The following TRARG1 variants were observed in gnomAD, a reference collection of about 807,000 sequenced individuals.
The protein encoded by TRARG1 is trafficking regulator of GLUT4 (SLC2A4) 1 (gene/pseudogene).
Under a neutral mutation model 13.3 loss-of-function variants are expected in TRARG1, and 16 were observed. The ratio of observed to expected loss-of-function variants is 1.20; its 90% CI spans 0.81 to 1.83. TRARG1 has a LOEUF of 1.83. Ranked by LOEUF, TRARG1 falls within the 40% of genes most tolerant of loss-of-function variation. The pLI is 0.00. For synonymous variants in TRARG1, 113 were observed against 106.2 expected, an observed-to-expected ratio of 1.06 and a Z score of -0.39; for missense variants, 250 against 237.4, an observed-to-expected ratio of 1.05 and a Z score of -0.35.
chr17:1,290,237 A>G (rs2072060340), intron 1 of TRARG1, among the ~76,000 whole-genome samples: 1 of 152,066 alleles, frequency 6.6e-6, no homozygotes, highest in South Asian at 2.1e-4. Context: ...AATATCCTTC[A>G]CTGGCTCCCT....
At chr17:1,293,403 A>T (rs12949020) in intron 1 of TRARG1, among the ~76,000 whole-genome samples, 67,177 of 151,410 alleles carry the variant, frequency 0.44, 15,203 homozygotes, top group African/African-American at 0.52. Context: ...GAGGAGAGGT[A>T]CAAGGCGTGG....
intron 1 of TRARG1, among the ~76,000 whole-genome samples, chr17:1,293,496 T>C (rs2072088054): frequency 6.7e-6 from 1 of 149,734 alleles, no homozygotes. Context: ...TTTGATGATG[T>C]CGTGGGTTGT....
intron 1 of TRARG1, among the ~76,000 whole-genome samples, chr17:1,282,156 G>A (rs554269849): frequency 4.3e-5 from 6 of 138,040 alleles, no homozygotes; most frequent in Middle Eastern, 3.4e-3. Flanking sequence ...ACGTATACAC[G>A]TGCATATATG....
intron 1 of TRARG1, among the ~76,000 whole-genome samples, chr17:1,282,204 G>A (rs367775679): frequency 3.6e-4 from 47 of 130,794 alleles, no homozygotes; most frequent in Middle Eastern, 3.9e-3. Context: ...GTACACGTGC[G>A]TATATGTACG....
At chr17:1,289,501 C>A (rs898488124) in intron 1 of TRARG1, among the ~76,000 whole-genome samples, 6 of 147,782 alleles carry the variant, frequency 4.1e-5, no homozygotes, top group Non-Finnish European at 7.5e-5. Context: ...ACCAGCATTG[C>A]CGATAGTTCC....
chr17:1,291,959 G>A (rs1007193350), intron 1 of TRARG1, among the ~76,000 whole-genome samples: 1 of 152,142 alleles, frequency 6.6e-6, no homozygotes, highest in Non-Finnish European at 1.5e-5. Context: ...ATCACCTGAG[G>A]TCGGGAGTTC....
chr17:1,291,840 G>A (rs1456307262), intron 1 of TRARG1, among the ~76,000 whole-genome samples: 1 of 152,198 alleles, frequency 6.6e-6, no homozygotes, highest in African/African-American at 2.4e-5. Flanking sequence ...AAAGCCCTGT[G>A]GAGGTTGATA....
intron 1 of TRARG1, among the ~76,000 whole-genome samples, chr17:1,291,024 A>G (rs2072065315): frequency 1.3e-5 from 2 of 150,176 alleles, no homozygotes; most frequent in Non-Finnish European, 3.0e-5. Context: ...TCCTGCCTCA[A>G]CCTCCCAAGT....
intron 1 of TRARG1, among the ~76,000 whole-genome samples, chr17:1,293,055 A>C (rs533575535): frequency 2.6e-5 from 4 of 152,230 alleles, no homozygotes; most frequent in African/African-American, 9.6e-5. Context: ...TGGGAGGCCA[A>C]TGTGGGCAGA....
chr17:1,298,299 C>T lies in TRARG1; in HGVS notation c.*35C>T. 1.2e-6 allele frequency: 2 copies of T among 1,611,126 alleles called. No individual in the cohort carries two copies. The highest frequency in any genetic ancestry group is 8.5e-7 in the Non-Finnish European group (1 of 1,178,760). ...GGGAGCTGGGCTAGCAGAGGCCGGC[C>T]CTGGCCATCGGGAGAGCTCTGACCT... On this transcript the variant is annotated 3_prime_UTR_variant, in exon 3 of 3. Coordinates refer to ENST00000333813, the MANE Select transcript of TRARG1 (RefSeq NM_172367.3).
chr17:1,293,873 G>C (rs998763125), intron 1 of TRARG1, among the ~76,000 whole-genome samples: 2 of 152,028 alleles, frequency 1.3e-5, no homozygotes, highest in African/African-American at 4.8e-5. Context: ...GCACAGCTCT[G>C]ACACTCAGTT....
chr17:1,282,051 CATATGTACATGTATACACATATATACAT>C (rs1567927932), intron 1 of TRARG1, among the ~76,000 whole-genome samples: 4 of 97,614 alleles, frequency 4.1e-5, no homozygotes, highest in Non-Finnish European at 8.4e-5. Flanking sequence ...CATATGTACA[CATATGTACATGTATACACATATATACAT>C]ATATGTACAT....
chr17:1,283,797 A>G (rs2072000113), intron 1 of TRARG1, among the ~76,000 whole-genome samples: 1 of 142,222 alleles, frequency 7.0e-6, no homozygotes, highest in Non-Finnish European at 1.5e-5. Context: ...TAACAGAGTG[A>G]GATTCTATCT....
At chr17:1,297,592 CTTTTTTTTTTTTTTT>C (rs35978298) in intron 2 of TRARG1, among the ~76,000 whole-genome samples, 2,524 of 97,924 alleles carry the variant, frequency 0.026, 47 homozygotes, top group Middle Eastern at 0.081. Flanking sequence ...TTAGCCAGGA[CTTTTTTTTTTTTTTT>C]TTTTTTTTTT....
At chr17:1,282,077 C>CACATATAT (rs2071980178) in intron 1 of TRARG1, among the ~76,000 whole-genome samples, 1 of 150,538 alleles carries the variant, frequency 6.6e-6, no homozygotes, top group African/African-American at 2.4e-5. Flanking sequence ...CACATATATA[C>CACATATAT]ATATATGTAC....
intron 1 of TRARG1, among the ~76,000 whole-genome samples, chr17:1,282,285 C>CATATATGTACGTATATGTACATATGCAT: frequency 7.3e-6 from 1 of 136,910 alleles, no homozygotes; most frequent in South Asian, 2.3e-4. Flanking sequence ...CGTATATGTA[C>CATATATGTACGTATATGTACATATGCAT]ATATATGTAC....
intron 1 of TRARG1, among the ~76,000 whole-genome samples, chr17:1,290,294 C>T (rs945550831): frequency 2.6e-5 from 4 of 152,066 alleles, no homozygotes; most frequent in Non-Finnish European, 5.9e-5. Flanking sequence ...CAGTCAGGGC[C>T]CTTTTTGTTG....
At chr17:1,282,243 C>CGTATATGT (rs1567928237) in intron 1 of TRARG1, among the ~76,000 whole-genome samples, 9,029 of 88,756 alleles carry the variant, frequency 0.1, 1,107 homozygotes, top group East Asian at 0.22. Context: ...TACGTATATG[C>CGTATATGT]ACGTATATGT....
At chr17:1,298,066 C>CT (rs988545530) in intron 2 of TRARG1, among the ~76,000 whole-genome samples, 185 bp from the exon 3 acceptor site, 6 of 152,200 alleles carry the variant, frequency 3.9e-5, no homozygotes, top group Non-Finnish European at 7.3e-5. Context: ...CCACAGTCCT[C>CT]TTACTGGCAG....
Sources: gnomAD v4.1 joint callset for allele counts (sites outside exome capture counted in the v4.1 genomes callset) on GRCh38, gnomAD v4.1.1 for gene constraint, MANE v1.5 for transcripts, NCBI Gene and HGNC (gene_info 2026-07-23, HGNC 2026-07-21) for gene names.